Variants in SEC23B observed in about 807,000 individuals in gnomAD.
The protein encoded by SEC23B is SEC23 homolog B, COPII component.
A neutral mutation model predicts 104.3 loss-of-function variants in SEC23B; 77 were observed. That is an observed-to-expected ratio of 0.74 (90% confidence interval 0.61 to 0.89). SEC23B has a LOEUF of 0.89. Among genes scored for constraint, SEC23B ranks in the 40% least tolerant of loss-of-function variants. SEC23B has a pLI of 0.00. For synonymous variants in SEC23B, 338 were observed against 332.5 expected (o/e 1.02, Z -0.18); for missense variants, 885 against 949.4 (o/e 0.93, Z 0.89).
At chr20:18,559,076 T>C (rs1430117362) in intron 19 of SEC23B, among the ~76,000 whole-genome samples, 1 of 43,204 alleles carries the variant, frequency 2.3e-5, no homozygotes, top group Admixed American at 2.8e-4. Context: ...GGGAAGGTGG[T>C]TGGTGGGGGG....
chr20:18,535,217 G>A (rs2060218785), intron 11 of SEC23B, among the ~76,000 whole-genome samples: 1 of 140,664 alleles, frequency 7.1e-6, no homozygotes, highest in Non-Finnish European at 1.5e-5. Context: ...CACACACGTA[G>A]TATATGTGTA....
At chr20:18,513,813 G>A (rs898905222) in intron 3 of SEC23B, among the ~76,000 whole-genome samples, 2 of 152,180 alleles carry the variant, frequency 1.3e-5, no homozygotes, top group Admixed American at 1.3e-4. Flanking sequence ...TCTAAGGCAG[G>A]GTAGCATAGT....
chr20:18,554,045 C>CG (rs2060412310), intron 17 of SEC23B, among the ~76,000 whole-genome samples, 190 bp from the exon 18 acceptor site: 1 of 152,108 alleles, frequency 6.6e-6, no homozygotes, highest in Non-Finnish European at 1.5e-5. Flanking sequence ...AATGCGCAGG[C>CG]GGGGGCATTT....
In SEC23B at chr20:18,535,525, A is replaced by G. The variant is rs1600254712; in HGVS notation, c.1315-128A>G. 4 of 699,510 alleles carry G rather than the reference A, an allele frequency of 5.7e-6. No homozygotes were observed. In the East Asian group the frequency reaches 8.1e-5, roughly 14 times the overall value. The allele number at this position is 699,510 out of a possible 1,614,324, so 43.3% of individuals were successfully genotyped here. On this transcript the variant is annotated intron_variant, in intron 11 of 19. Transcript: ENST00000650089. ...CTTTTCAGGAGAAGGTTTTATTTCAACTTAAATGTTCTCCTAAAAGAAGAT... is the reference window on the plus strand; with the variant it reads ...CTTTTCAGGAGAAGGTTTTATTTCAGCTTAAATGTTCTCCTAAAAGAAGAT...
chr20:18,559,703 A>G (rs555315268), intron 19 of SEC23B, among the ~76,000 whole-genome samples: 2 of 152,318 alleles, frequency 1.3e-5, no homozygotes, highest in African/African-American at 2.4e-5. Context: ...TCTGTGCTCA[A>G]TGACAATTTG....
intron 2 of SEC23B, 48 bp downstream of exon 2, chr20:18,511,104 T>C (rs774008894): frequency 2.4e-5 from 34 of 1,423,136 alleles, no homozygotes; most frequent in Non-Finnish European, 3.1e-5. Context: ...CAATATATTA[T>C]GAATTTTATG....
intron 17 of SEC23B, among the ~76,000 whole-genome samples, chr20:18,553,211 G>A (rs997877440): frequency 7.2e-5 from 11 of 152,216 alleles, no homozygotes; most frequent in African/African-American, 2.4e-4. Context: ...CGTGCTGAAC[G>A]CGAGTGTTCT....
In SEC23B at chr20:18,532,648, C is replaced by CACAT; in HGVS notation, c.1234-14_1234-11dup. On this transcript the variant is annotated splice_polypyrimidine_tract_variant and intron_variant, in intron 10 of 19. Transcript: ENST00000650089. ...GAAGTGATCTTTAACTTTACACTGT[C>CACAT]ACATATTTGTTATAGACCTCTCGGG... 1 of 1,587,404 alleles carries CACAT rather than the reference C, an allele frequency of 6.3e-7. No individual in the cohort carries two copies. Among genetic ancestry groups the CACAT allele is most frequent in the Non-Finnish European group, 8.7e-7 (1 of 1,155,614 alleles).
At chr20:18,533,475 C>G (rs895540972) in intron 11 of SEC23B, among the ~76,000 whole-genome samples, 1 of 152,150 alleles carries the variant, frequency 6.6e-6, no homozygotes, top group African/African-American at 2.4e-5. Context: ...CACCCCGCAC[C>G]TGGCCCGAGC....
At chr20:18,527,303 A>G (rs1200545738) in intron 8 of SEC23B, among the ~76,000 whole-genome samples, 193 bp from the exon 9 acceptor site, 1 of 152,188 alleles carries the variant, frequency 6.6e-6, no homozygotes, top group Non-Finnish European at 1.5e-5. Flanking sequence ...CTGAGGCAGG[A>G]TGATCACTTG....
intron 1 of SEC23B, chr20:18,509,926 GT>G (rs1281257818): frequency 6.6e-6 from 1 of 152,206 alleles, no homozygotes; most frequent in Non-Finnish European, 1.5e-5. Flanking sequence ...AGCAACCGTG[GT>G]GAGGAAAGAG....
chr20:18,549,211 A>G (rs6136407), intron 16 of SEC23B, among the ~76,000 whole-genome samples: 4 of 152,064 alleles, frequency 2.6e-5, no homozygotes, highest in Admixed American at 1.3e-4. Context: ...CTCAGTATTC[A>G]TGGAAGATTG....
At chr20:18,514,129 A>G (rs2060004369) in intron 3 of SEC23B, among the ~76,000 whole-genome samples, 3 of 152,206 alleles carry the variant, frequency 2.0e-5, no homozygotes, top group African/African-American at 7.2e-5. Context: ...ATGATCTGCA[A>G]GTCTATGTGT....
At chr20:18,555,611 A>C (rs2060430118) in intron 19 of SEC23B, among the ~76,000 whole-genome samples, 1 of 152,064 alleles carries the variant, frequency 6.6e-6, no homozygotes, top group Non-Finnish European at 1.5e-5. Context: ...AACTGCTCCC[A>C]GCATTTATGT....
rs6514907 is a variant in SEC23B, at chr20:18,560,453, A to G, written c.2215-198A>G. Among the ~76,000 whole-genome samples, 140,254 of 152,114 alleles carry G rather than the reference A, an allele frequency of 0.92. 65,619 individuals are homozygous for G. Among genetic ancestry groups the G allele is most frequent in the East Asian group, 1 (5,180 of 5,180 alleles). ...CAGGCGGTGGTGGCCTGATCTCGGC[A>G]TACCAGGAAAGGATTTTGTGAGGAA... On this transcript the variant is annotated intron_variant, in intron 19 of 19. Coordinates refer to ENST00000650089, the MANE Select transcript of SEC23B (RefSeq NM_006363.6).
intron 17 of SEC23B, among the ~76,000 whole-genome samples, chr20:18,553,140 C>T (rs1367597188): frequency 6.6e-6 from 1 of 152,222 alleles, no homozygotes; most frequent in African/African-American, 2.4e-5. Flanking sequence ...CCTTCTTGTG[C>T]AAGTGAGGGG....
At chr20:18,557,653 G>T (rs181370767) in intron 19 of SEC23B, among the ~76,000 whole-genome samples, 201 of 151,584 alleles carry the variant, frequency 1.3e-3, no homozygotes, top group African/African-American at 4.7e-3. Context: ...AGTCTTAAAA[G>T]AAAAACCTAT....
At chr20:18,540,276 G>A (rs938300795) in intron 12 of SEC23B, among the ~76,000 whole-genome samples, 13 of 152,212 alleles carry the variant, frequency 8.5e-5, no homozygotes, top group African/African-American at 3.1e-4. Context: ...CAGAACGGAT[G>A]TTGTGTTAGC....
At chr20:18,537,155 G>A (rs1393206454) in intron 12 of SEC23B, among the ~76,000 whole-genome samples, 1 of 151,612 alleles carries the variant, frequency 6.6e-6, no homozygotes, top group East Asian at 1.9e-4. Flanking sequence ...CTGTAAACTA[G>A]TTCAATCCTT....
Sources: gnomAD v4.1 joint callset for allele counts (sites outside exome capture counted in the v4.1 genomes callset) on GRCh38, gnomAD v4.1.1 for gene constraint, MANE v1.5 for transcripts, NCBI Gene and HGNC (gene_info 2026-07-23, HGNC 2026-07-21) for gene names.